Variants in GABRR3 observed in about 807,000 individuals in gnomAD.
The protein encoded by GABRR3 is gamma-aminobutyric acid receptor subunit rho-3.
In GABRR3, 29 loss-of-function variants were observed where a neutral mutation model predicts 43.2. That is an observed-to-expected ratio of 0.67 (90% CI 0.50 to 0.92). The LOEUF (loss-of-function observed/expected upper bound fraction) is 0.92. Among genes scored for constraint, GABRR3 ranks in the 40% least tolerant of loss-of-function variants. The probability of loss-of-function intolerance (pLI) is 0.00; values close to 1 mark genes in which losing one functional copy is unlikely to be tolerated. For missense variants in GABRR3, 576 were observed against 572.3 expected, an observed-to-expected ratio of 1.01 and a Z score of -0.07; for synonymous variants, 206 against 195.9, an observed-to-expected ratio of 1.05 and a Z score of -0.43.
At position 98,001,503 on chromosome 3, in the gene GABRR3, C is replaced by T. The variant is rs1706641245; in HGVS notation, c.907+112G>A. The T allele has an allele frequency of 2.7e-6, 3 of 1,116,452 alleles. No individual in the cohort carries two copies. The South Asian group carries it at 4.7e-5, about 17-fold the overall frequency. 69.2% of individuals were successfully genotyped at this position (1,116,452 alleles called of 1,614,324 possible). On this transcript the variant is annotated intron_variant, in intron 8 of 9. Transcript: ENST00000621172. ...CTGCAACCTGGATGTTCATCTCTGA[C>T]TATCCCTACTAAACCACCACTCTCT...
intron 9 of GABRR3, 48 bp downstream of exon 9, chr3:97,992,804 T>G (rs1254837764): frequency 6.6e-7 from 1 of 1,514,762 alleles, no homozygotes; most frequent in African/African-American, 1.4e-5. Flanking sequence ...ATAAGGGTAG[T>G]CTTTTCCACA....
chr3:98,015,972 C>T (rs1025554042), intron 4 of GABRR3, among the ~76,000 whole-genome samples: 7 of 152,080 alleles, frequency 4.6e-5, no homozygotes, highest in East Asian at 3.9e-4. Flanking sequence ...GGAGGCCTCA[C>T]GAAACTTACA....
chr3:98,013,593 T>G (rs1448108686), intron 4 of GABRR3, among the ~76,000 whole-genome samples: 2 of 152,220 alleles, frequency 1.3e-5, no homozygotes, highest in Non-Finnish European at 2.9e-5. Flanking sequence ...TTGGCATTTA[T>G]TATACAAACA....
intron 8 of GABRR3, chr3:98,000,588 G>A (rs1345775611): frequency 2.0e-5 from 3 of 152,190 alleles, no homozygotes; most frequent in South Asian, 2.1e-4. Context: ...AAGGAGGTGA[G>A]CAAATTGTTA....
At chr3:97,995,627 T>C (rs1576036975) in intron 8 of GABRR3, among the ~76,000 whole-genome samples, 1 of 146,310 alleles carries the variant, frequency 6.8e-6, no homozygotes, top group Admixed American at 6.8e-5. Context: ...AGAATTAGAG[T>C]GGAGAGGAGG....
intron 9 of GABRR3, 34 bp from the exon 10 acceptor site, chr3:97,987,016 A>G: frequency 7.3e-7 from 1 of 1,377,534 alleles, no homozygotes; most frequent in Non-Finnish European, 9.8e-7. Context: ...GTAGGTCTTG[A>G]ATATGGTTTT....
chr3:98,012,589 C>T, intron 4 of GABRR3, 22 bp from the exon 5 acceptor site: 1 of 1,526,070 alleles, frequency 6.6e-7, no homozygotes, highest in Non-Finnish European at 8.9e-7. Context: ...GAAAAAGAGA[C>T]CAAAAAAACC....
chr3:98,003,333 A>G (rs1213618499), intron 7 of GABRR3, among the ~76,000 whole-genome samples: 1 of 151,814 alleles, frequency 6.6e-6, no homozygotes, highest in Non-Finnish European at 1.5e-5. Flanking sequence ...TAAGGTATAT[A>G]GTTTTCTGTT....
rs1576042775 is a variant in GABRR3 at position 98,009,270 on chromosome 3, C to T, written c.531-232G>A. 3.3e-5 allele frequency among the ~76,000 whole-genome samples: 5 copies of T among 152,152 alleles called. No homozygotes were observed. In the South Asian group the frequency reaches 1.0e-3, roughly 32 times the overall value. On this transcript the variant is annotated intron_variant, in intron 5 of 9. Coordinates refer to ENST00000621172, the Ensembl canonical transcript of GABRR3. ...GAGTGAATTCAGCTCTCATACCTTGCTTCTGAGTTCACCATTTCCTGATCA... is the reference window on the plus strand; with the variant it reads ...GAGTGAATTCAGCTCTCATACCTTGTTTCTGAGTTCACCATTTCCTGATCA...
chr3:97,989,105 C>T (rs1314705748), intron 9 of GABRR3, among the ~76,000 whole-genome samples: 15 of 134,578 alleles, frequency 1.1e-4, no homozygotes, highest in East Asian at 2.3e-4. Context: ...TGGTGGGTGA[C>T]GGTGGTAGAT....
intron 8 of GABRR3, 79 bp downstream of exon 8, chr3:98,001,536 T>C: frequency 6.8e-7 from 1 of 1,465,676 alleles, no homozygotes; most frequent in South Asian, 1.2e-5. Flanking sequence ...TCTTTTCCTC[T>C]CCATGTATGA....
At chr3:98,020,870 C>CTTTTTTTTTTTTTTTT (rs59070712) in intron 3 of GABRR3, among the ~76,000 whole-genome samples, 2 of 117,448 alleles carry the variant, frequency 1.7e-5, no homozygotes, top group Admixed American at 9.1e-5. Context: ...TTTTCTTTTT[C>CTTTTTTTTTTTTTTTT]TTTTTTTTTT....
At chr3:98,019,119 A>G (rs1328014909) in intron 3 of GABRR3, among the ~76,000 whole-genome samples, 1 of 150,712 alleles carries the variant, frequency 6.6e-6, no homozygotes, top group African/African-American at 2.5e-5. Flanking sequence ...CAAAAAAAAA[A>G]AGAAAAAGAA....
intron 7 of GABRR3, among the ~76,000 whole-genome samples, chr3:98,004,616 T>C (rs1447400423): frequency 5.3e-5 from 8 of 151,576 alleles, no homozygotes; most frequent in Admixed American, 5.3e-4. Flanking sequence ...CCTCATCTGC[T>C]TGTTAATATT....
chr3:97,989,324 T>G (rs531493652), intron 9 of GABRR3, among the ~76,000 whole-genome samples: 1 of 149,496 alleles, frequency 6.7e-6, no homozygotes, highest in African/African-American at 2.5e-5. Context: ...AAGTGGTGGT[T>G]GGTAGTAAGT....
At chr3:97,987,097 A>G (rs1460124941) in intron 9 of GABRR3, 115 bp from the exon 10 acceptor site, 3 of 703,036 alleles carry the variant, frequency 4.3e-6, no homozygotes, top group Non-Finnish European at 6.9e-6. Context: ...AGATAGGCCA[A>G]TTGGATTTGT....
At chr3:98,029,698 A>C (rs1707061807) in intron 2 of GABRR3, among the ~76,000 whole-genome samples, 1 of 152,208 alleles carries the variant, frequency 6.6e-6, no homozygotes. Context: ...ATAATTAATA[A>C]GCAAATTTAA....
chr3:97,989,101 G>C (rs1017706343), intron 9 of GABRR3, among the ~76,000 whole-genome samples: 1 of 151,076 alleles, frequency 6.6e-6, no homozygotes, highest in African/African-American at 2.4e-5. Flanking sequence ...TGGATGGTGG[G>C]TGACGGTGGT....
At chr3:98,032,763 A>C (rs1244532406) in intron 2 of GABRR3, among the ~76,000 whole-genome samples, 1 of 152,212 alleles carries the variant, frequency 6.6e-6, no homozygotes, top group Non-Finnish European at 1.5e-5. Context: ...CTTATTGTAT[A>C]AAAACTGGCC....
Sources: allele counts gnomAD v4.1 joint callset (sites outside exome capture counted in the v4.1 genomes callset), GRCh38; gene constraint gnomAD v4.1.1; transcripts MANE v1.5; gene names NCBI Gene and HGNC (gene_info 2026-07-23, HGNC 2026-07-21).